IQGAP2: variants seen among roughly 807,000 people sequenced by gnomAD.
IQGAP2 encodes the protein IQ motif containing GTPase activating protein 2.
IQGAP2 carries 173 observed loss-of-function variants against 201.3 expected under a neutral mutation model. The ratio of observed to expected loss-of-function variants is 0.86; its 90% CI spans 0.76 to 0.98. The LOEUF (loss-of-function observed/expected upper bound fraction) is 0.98. IQGAP2 is among the 50% of genes least tolerant of loss of function. The pLI, the probability that IQGAP2 is intolerant of heterozygous loss-of-function variation, is 0.00. For missense variants in IQGAP2, 1,687 were observed against 1,864.8 expected (o/e 0.90, Z 1.76); for synonymous variants, 675 against 673.9 (o/e 1.00, Z -0.03).
chr5:76,511,549 G>A (rs943496971), intron 2 of IQGAP2, among the ~76,000 whole-genome samples: 1 of 152,218 alleles, frequency 6.6e-6, no homozygotes, highest in Non-Finnish European at 1.5e-5. Flanking sequence ...GAACAGAGTT[G>A]TATTGGTTGA....
chr5:76,524,743 A>T (rs1028218396), intron 2 of IQGAP2, among the ~76,000 whole-genome samples: 7 of 152,250 alleles, frequency 4.6e-5, no homozygotes, highest in African/African-American at 1.7e-4. Flanking sequence ...ATTCTTGAGT[A>T]TATTGAGTGG....
intron 10 of IQGAP2, 90 bp from the exon 11 acceptor site, chr5:76,600,722 G>T: frequency 6.8e-7 from 1 of 1,464,962 alleles, no homozygotes; most frequent in Non-Finnish European, 9.3e-7. Context: ...TTGACTTTTT[G>T]TTGTTTGTTG....
intron 1 of IQGAP2, among the ~76,000 whole-genome samples, chr5:76,459,054 G>T (rs1754270177): frequency 6.6e-6 from 1 of 152,146 alleles, no homozygotes; most frequent in African/African-American, 2.4e-5. Context: ...GTCAAGCCTG[G>T]AAGATAGGTA....
intron 15 of IQGAP2, among the ~76,000 whole-genome samples, chr5:76,636,699 A>G (rs1334177186): frequency 6.6e-6 from 1 of 152,190 alleles, no homozygotes; most frequent in Non-Finnish European, 1.5e-5. Flanking sequence ...CTTTGTCTAC[A>G]TGTGTTGTTT....
intron 20 of IQGAP2, 73 bp downstream of exon 20, chr5:76,655,076 T>G (rs1480957149): frequency 2.8e-6 from 3 of 1,064,732 alleles, no homozygotes; most frequent in East Asian, 2.4e-5. Context: ...TCCATATTGG[T>G]CACTTCAGAG....
At chr5:76,630,625 C>G (rs1750619522) in intron 14 of IQGAP2, among the ~76,000 whole-genome samples, 2 of 152,148 alleles carry the variant, frequency 1.3e-5, no homozygotes, top group African/African-American at 4.8e-5. Flanking sequence ...GGTTAGATGA[C>G]ACTGTCACAT....
At chr5:76,580,708 T>A (rs750581374) in intron 5 of IQGAP2, among the ~76,000 whole-genome samples, 10 of 152,200 alleles carry the variant, frequency 6.6e-5, no homozygotes, top group Non-Finnish European at 1.5e-4. Flanking sequence ...CAGTCTGAGC[T>A]CTTTCTGGCC....
chr5:76,451,081 T>C (rs1214698422), intron 1 of IQGAP2, among the ~76,000 whole-genome samples: 2 of 152,158 alleles, frequency 1.3e-5, no homozygotes, highest in Non-Finnish European at 2.9e-5. Flanking sequence ...CCTTAGTATA[T>C]CCCTGGAACA....
At chr5:76,573,721 C>G (rs547653986) in intron 4 of IQGAP2, among the ~76,000 whole-genome samples, 1 of 152,098 alleles carries the variant, frequency 6.6e-6, no homozygotes, top group Non-Finnish European at 1.5e-5. Flanking sequence ...AAGTGATTCT[C>G]CTGCCTCAGC....
At chr5:76,644,112 G>A (rs1361619285) in intron 17 of IQGAP2, among the ~76,000 whole-genome samples, 2 of 151,928 alleles carry the variant, frequency 1.3e-5, no homozygotes, top group African/African-American at 4.8e-5. Flanking sequence ...AATAGTTAAA[G>A]TCTATAAAAT....
intron 10 of IQGAP2, among the ~76,000 whole-genome samples, chr5:76,599,867 T>C (rs746290983): frequency 2.1e-4 from 32 of 152,178 alleles, no homozygotes; most frequent in Admixed American, 6.5e-4. Context: ...AATATTCCTT[T>C]TGAAGTTGGG....
intron 2 of IQGAP2, among the ~76,000 whole-genome samples, chr5:76,492,265 C>G (rs775106924): frequency 3.3e-5 from 5 of 152,166 alleles, no homozygotes; most frequent in African/African-American, 4.8e-5. Flanking sequence ...GCACAGCATG[C>G]ACCTGTGGAC....
intron 2 of IQGAP2, among the ~76,000 whole-genome samples, chr5:76,507,367 T>G (rs1399282644): frequency 6.6e-6 from 1 of 152,082 alleles, no homozygotes; most frequent in Non-Finnish European, 1.5e-5. Flanking sequence ...AAAATTAACA[T>G]AAAATGAACA....
chr5:76,454,945 T>C (rs1027923615), intron 1 of IQGAP2, among the ~76,000 whole-genome samples: 5 of 152,146 alleles, frequency 3.3e-5, no homozygotes, highest in African/African-American at 7.2e-5. Context: ...CACATCCTCT[T>C]CAGCACCTGT....
chr5:76,668,722 A>G lies in IQGAP2; in HGVS notation c.2721A>G (p.Pro907=), dbSNP rs1326583215. Residue 907 remains proline, a synonymous_variant, in exon 23 of 36, where the codon CCA becomes CCG. Transcript: ENST00000274364. ...LYLAKLIFQM[P]QNKSTKFMDT... The stretch of plus-strand genomic sequence containing the variant: ...TGGCTAAGCTGATTTTCCAGATGCC[A>G]CAGAACAAGTCCACTAAATTTATGG... 1 of 1,612,318 alleles carries G rather than the reference A, an allele frequency of 6.2e-7. No individual in the cohort carries two copies. The highest frequency in any genetic ancestry group is 8.5e-7 in the Non-Finnish European group (1 of 1,179,298).
chr5:76,704,903 G>T (rs376617537), intron 35 of IQGAP2, among the ~76,000 whole-genome samples: 79 of 152,248 alleles, frequency 5.2e-4, no homozygotes, highest in African/African-American at 1.9e-3. Context: ...ACTAAAGAAA[G>T]CCCCTTCTAA....
intron 2 of IQGAP2, among the ~76,000 whole-genome samples, chr5:76,494,018 T>C (rs1756727563): frequency 6.6e-6 from 1 of 152,226 alleles, no homozygotes; most frequent in Admixed American, 6.5e-5. Flanking sequence ...AGATCATCTC[T>C]AGATTATTTA....
chr5:76,414,641 A>G (rs1387478125), intron 1 of IQGAP2, among the ~76,000 whole-genome samples: 2 of 152,208 alleles, frequency 1.3e-5, no homozygotes, highest in Non-Finnish European at 2.9e-5. Context: ...GCAACGTAGC[A>G]AGACCTTGTT....
chr5:76,409,035 C>T (rs902732941), intron 1 of IQGAP2, among the ~76,000 whole-genome samples: 1 of 151,360 alleles, frequency 6.6e-6, no homozygotes, highest in Non-Finnish European at 1.5e-5. Flanking sequence ...TCAAGTGATC[C>T]GCCCGGCTCA....
Sources: gnomAD v4.1 joint callset for allele counts (sites outside exome capture counted in the v4.1 genomes callset) on GRCh38, gnomAD v4.1.1 for gene constraint, MANE v1.5 for transcripts, NCBI Gene and HGNC (gene_info 2026-07-23, HGNC 2026-07-21) for gene names.